ZDHHC14: variants seen among roughly 807,000 people sequenced by gnomAD.
ZDHHC14 encodes the protein zDHHC palmitoyltransferase 14, also known as palmitoyltransferase ZDHHC14.
A neutral mutation model predicts 47.7 loss-of-function variants in ZDHHC14; 16 were observed. The observed-to-expected ratio is 0.34, with a 90% CI of 0.23 to 0.51. The LOEUF is 0.51. ZDHHC14 is among the 20% of genes least tolerant of loss of function. The pLI is 0.97. For synonymous variants in ZDHHC14, 293 were observed against 278.9 expected (o/e 1.05, Z -0.50); for missense variants, 515 against 662.5 (o/e 0.78, Z 2.44).
chr6:157,425,671 C>G (rs1184913665), intron 1 of ZDHHC14, among the ~76,000 whole-genome samples: 1 of 152,184 alleles, frequency 6.6e-6, no homozygotes, highest in Non-Finnish European at 1.5e-5. Flanking sequence ...TTGATCATGT[C>G]ACTCTTCTGC....
chr6:157,435,955 G>T (rs1391411214), intron 1 of ZDHHC14, among the ~76,000 whole-genome samples: 1 of 152,144 alleles, frequency 6.6e-6, no homozygotes, highest in African/African-American at 2.4e-5. Context: ...GGTGGGTAGG[G>T]GCATGGAGGA....
At chr6:157,457,226 G>A (rs9406299) in intron 1 of ZDHHC14, among the ~76,000 whole-genome samples, 1 of 150,340 alleles carries the variant, frequency 6.7e-6, no homozygotes, top group Admixed American at 6.6e-5. Context: ...TTTGGCGCCA[G>A]AGTGGGCCAC....
At chr6:157,559,591 G>T (rs1328497881) in intron 2 of ZDHHC14, among the ~76,000 whole-genome samples, 1 of 152,222 alleles carries the variant, frequency 6.6e-6, no homozygotes, top group African/African-American at 2.4e-5. Context: ...TGGAATAACA[G>T]CATGCTCATG....
chr6:157,531,596 C>T (rs539834849), intron 1 of ZDHHC14, among the ~76,000 whole-genome samples: 1 of 152,104 alleles, frequency 6.6e-6, no homozygotes, highest in African/African-American at 2.4e-5. Flanking sequence ...TGCCCCACCC[C>T]CCAACCCCCA....
At chr6:157,469,949 G>A (rs1227788237) in intron 1 of ZDHHC14, among the ~76,000 whole-genome samples, 3 of 152,334 alleles carry the variant, frequency 2.0e-5, no homozygotes, top group Admixed American at 6.5e-5. Context: ...CAGGCCAGAA[G>A]GACCCAGGCC....
chr6:157,619,135 T>C (rs1034842974), intron 3 of ZDHHC14, among the ~76,000 whole-genome samples: 1 of 151,892 alleles, frequency 6.6e-6, no homozygotes, highest in African/African-American at 2.4e-5. Context: ...AAACAGGATT[T>C]ATGGGGAGGC....
chr6:157,608,237 T>G (rs1784617175), intron 3 of ZDHHC14, among the ~76,000 whole-genome samples: 1 of 152,058 alleles, frequency 6.6e-6, no homozygotes, highest in African/African-American at 2.4e-5. Context: ...CGTCATTCAT[T>G]CACCCTACTT....
chr6:157,458,184 A>T (rs1023443634), intron 1 of ZDHHC14, among the ~76,000 whole-genome samples: 1 of 152,192 alleles, frequency 6.6e-6, no homozygotes, highest in Non-Finnish European at 1.5e-5. Flanking sequence ...AGAAGGGAGG[A>T]TTATTCGGGG....
rs145946547 is a variant in ZDHHC14, at chr6:157,539,970, G to A, written c.246-2615G>A. Among the ~76,000 whole-genome samples the A allele has an allele frequency of 2.3e-3, 347 of 152,254 alleles. 1 individual carries two copies. The highest frequency in any genetic ancestry group is 7.7e-3 in the African/African-American group (321 of 41,534). ...ACTAGACCTGCCTGAGATTTCCTGC[G>A]GGGACAGGAGCAGGAGCAGGTTCCC... is the stretch of plus-strand genomic sequence containing the variant. On this transcript the variant is annotated intron_variant, in intron 1 of 8. Transcript: ENST00000359775.
intron 1 of ZDHHC14, among the ~76,000 whole-genome samples, chr6:157,447,983 T>C (rs1778720037): frequency 6.6e-6 from 1 of 152,156 alleles, no homozygotes; most frequent in African/African-American, 2.4e-5. Context: ...GCGATCTGCC[T>C]GCCTTAGCCT....
intron 3 of ZDHHC14, among the ~76,000 whole-genome samples, chr6:157,607,247 T>G (rs1044261982): frequency 2.0e-5 from 3 of 152,148 alleles, no homozygotes; most frequent in Non-Finnish European, 4.4e-5. Context: ...TTGTTGAGGC[T>G]CTTAAATTGT....
rs9347364 is a variant in ZDHHC14 at position 157,555,246 on chromosome 6, C to A, written c.406+12501C>A. 8.4e-3 allele frequency among the ~76,000 whole-genome samples: 1,277 copies of A among 152,242 alleles called. 63 individuals carry two copies. The East Asian group carries it at 0.14, about 16-fold the overall frequency. On this transcript the variant is annotated intron_variant, in intron 2 of 8. Coordinates refer to ENST00000359775, the MANE Select transcript of ZDHHC14 (RefSeq NM_024630.3). ...TTACATAATATTAATTTTGTGAATGCCAACAAAAAGTTCATGTTCCTAGAA... is the reference window on the plus strand; with the variant it reads ...TTACATAATATTAATTTTGTGAATGACAACAAAAAGTTCATGTTCCTAGAA...
chr6:157,485,103 C>A (rs1172164674), intron 1 of ZDHHC14, among the ~76,000 whole-genome samples: 1 of 151,558 alleles, frequency 6.6e-6, no homozygotes, highest in Admixed American at 6.6e-5. Context: ...TCTCAAAAAA[C>A]CAATAAAAAT....
intron 1 of ZDHHC14, among the ~76,000 whole-genome samples, chr6:157,532,500 A>G (rs888613397): frequency 1.3e-5 from 2 of 152,210 alleles, no homozygotes; most frequent in Non-Finnish European, 2.9e-5. Context: ...AAGGGAATCT[A>G]GCAGGCCTCT....
intron 3 of ZDHHC14, among the ~76,000 whole-genome samples, chr6:157,604,026 C>G (rs1784437512): frequency 6.6e-6 from 1 of 152,216 alleles, no homozygotes; most frequent in Non-Finnish European, 1.5e-5. Flanking sequence ...AAAATTATGT[C>G]TGTACTGAAT....
intron 5 of ZDHHC14, among the ~76,000 whole-genome samples, chr6:157,644,624 T>G (rs1406665070): frequency 6.6e-6 from 1 of 152,226 alleles, no homozygotes; most frequent in African/African-American, 2.4e-5. Flanking sequence ...CTGGGTAATG[T>G]GCTCAGCCCT....
At chr6:157,390,397 T>C (rs1046602617) in intron 1 of ZDHHC14, among the ~76,000 whole-genome samples, 1 of 152,204 alleles carries the variant, frequency 6.6e-6, no homozygotes, top group African/African-American at 2.4e-5. Context: ...TTTATCCCGC[T>C]TGGGGTTTGC....
chr6:157,569,848 A>C (rs1239743316), intron 2 of ZDHHC14, among the ~76,000 whole-genome samples: 1 of 151,972 alleles, frequency 6.6e-6, no homozygotes, highest in Non-Finnish European at 1.5e-5. Context: ...TTCAAAGGAG[A>C]CATTGTCTTC....
At chr6:157,417,464 A>T (rs1778006256) in intron 1 of ZDHHC14, among the ~76,000 whole-genome samples, 1 of 152,168 alleles carries the variant, frequency 6.6e-6, no homozygotes, top group Non-Finnish European at 1.5e-5. Context: ...GCTGCTTAGC[A>T]TTCTGTAATA....
Sources: gnomAD v4.1 joint callset for allele counts (sites outside exome capture counted in the v4.1 genomes callset) on GRCh38, gnomAD v4.1.1 for gene constraint, MANE v1.5 for transcripts, NCBI Gene and HGNC (gene_info 2026-07-23, HGNC 2026-07-21) for gene names.